The following SH3TC2 variants were observed in gnomAD, a reference collection of about 807,000 sequenced individuals.
The protein encoded by SH3TC2 is SH3 domain and tetratricopeptide repeat-containing protein 2.
Under a neutral mutation model 124.5 loss-of-function variants are expected in SH3TC2, and 87 were observed. That is an observed-to-expected ratio of 0.70 (90% CI 0.59 to 0.84). SH3TC2 has a LOEUF of 0.84. Among genes scored for constraint, SH3TC2 ranks in the 40% least tolerant of loss-of-function variants. The probability of loss-of-function intolerance (pLI) is 0.00; values close to 1 mark genes in which losing one functional copy is unlikely to be tolerated. For synonymous variants in SH3TC2, 634 were observed against 628.5 expected (o/e 1.01, Z -0.13); for missense variants, 1,536 against 1,566.4 (o/e 0.98, Z 0.33).
chr5:149,010,396 G>T lies in SH3TC2; in HGVS notation c.3205-4C>A. 6.2e-7 allele frequency: 1 copy of T among 1,613,810 alleles called. No homozygotes were observed. Among genetic ancestry groups the T allele is most frequent in the Non-Finnish European group, 8.5e-7 (1 of 1,179,998 alleles). On this transcript the variant is annotated splice_region_variant and splice_polypyrimidine_tract_variant and intron_variant, in intron 13 of 16. Coordinates refer to ENST00000515425, the MANE Select transcript of SH3TC2 (RefSeq NM_024577.4). ...TCAGGGCTGTCTGGATGGCTGCCTA[G>T]GTGGGACAGAGACAGCTGTTAAAGG...
Position 148,986,810 on chromosome 5 carries a change from T to C in SH3TC2, c.*17901A>G, listed in dbSNP as rs1753339732. Among the ~76,000 whole-genome samples the C allele has an allele frequency of 6.6e-6, 1 of 152,176 alleles. No individual in the cohort carries two copies. The highest frequency in any genetic ancestry group is 1.5e-5 in the Non-Finnish European group (1 of 68,040). ...GCTGTAATCTCCCAGTCCTGTTCTG[T>C]CTTGCTCCTCCAAGGGACACGTTGT... On this transcript the variant is annotated 3_prime_UTR_variant, in exon 17 of 17. Transcript: ENST00000515425.
rs746915846 is a variant in SH3TC2 at position 149,028,087 on chromosome 5, C to A, written c.1645G>T (p.Val549Leu). 7.4e-6 allele frequency: 12 copies of A among 1,614,106 alleles called. No individual in the cohort carries two copies. The highest frequency in any genetic ancestry group is 9.3e-6 in the Non-Finnish European group (11 of 1,180,036). The change falls in exon 11 of 17, where the codon GTG becomes TTG. Residue 549 changes from valine (V) to leucine (L), a missense_variant. By Grantham distance (32) the Val-to-Leu change is conservative. Around this residue, in one of 3 missense-constraint regions of SH3TC2, gnomAD observed 1,102 missense variants for 1,098.6 expected, o/e 1.00. Coordinates refer to ENST00000515425, the MANE Select transcript of SH3TC2 (RefSeq NM_024577.4). ...IRKVKLSQAR[V>L]YFEEAIHILN... Reference sequence around the variant, plus strand: ...ATGTGGATGGCCTCCTCGAAGTACACCCTGGCCTGAGAGAGTTTGACCTTC... The same window carrying A: ...ATGTGGATGGCCTCCTCGAAGTACAACCTGGCCTGAGAGAGTTTGACCTTC...
chr5:149,031,424 G>T, intron 9 of SH3TC2, 130 bp downstream of exon 9: 1 of 1,227,104 alleles, frequency 8.1e-7, no homozygotes, highest in Non-Finnish European at 1.2e-6. Flanking sequence ...GTCGTCAACA[G>T]AATAGTGGTC....
At chr5:149,035,165 C>A (rs1754261679) in intron 8 of SH3TC2, among the ~76,000 whole-genome samples, 1 of 152,002 alleles carries the variant, frequency 6.6e-6, no homozygotes, top group Admixed American at 6.6e-5. Context: ...ATAGATTCCA[C>A]AAGAAATTGA....
At chr5:149,053,718 A>G (rs1432429833) in intron 1 of SH3TC2, among the ~76,000 whole-genome samples, 1 of 152,202 alleles carries the variant, frequency 6.6e-6, no homozygotes, top group Non-Finnish European at 1.5e-5. Context: ...GTGAGTTTTC[A>G]CTTTCCCCAC....
In SH3TC2 at chr5:148,987,214, G is replaced by A. The variant is rs1331036083; in HGVS notation, c.*17497C>T. On this transcript the variant is annotated 3_prime_UTR_variant, in exon 17 of 17. Transcript: ENST00000515425. ...CCCCTCTGTGGGGAGAGGAGAAAAA[G>A]CACATTTTTGCCAATGGTCTTTGTT... Among the ~76,000 whole-genome samples, 1 of 152,166 alleles carries A rather than the reference G, an allele frequency of 6.6e-6. No individual in the cohort carries two copies. The highest frequency in any genetic ancestry group is 1.9e-4 in the East Asian group (1 of 5,196).
In SH3TC2 at chr5:148,999,896, C is replaced by G. The variant is rs1039669068; in HGVS notation, c.*4815G>C. Among the ~76,000 whole-genome samples, 7 of 152,202 alleles carry G rather than the reference C, an allele frequency of 4.6e-5. No homozygotes were observed. The highest frequency in any genetic ancestry group is 1.7e-4 in the African/African-American group (7 of 41,454). ...TGCTTCCCTGAATCTGCTCCAGCCT[C>G]ACTGCACTCAGAGTGACCTGTTCTC... On this transcript the variant is annotated 3_prime_UTR_variant, in exon 17 of 17. Coordinates refer to ENST00000515425, the MANE Select transcript of SH3TC2 (RefSeq NM_024577.4).
intron 12 of SH3TC2, among the ~76,000 whole-genome samples, chr5:149,017,832 T>C (rs1435697239): frequency 6.6e-6 from 1 of 152,230 alleles, no homozygotes; most frequent in Admixed American, 6.5e-5. Context: ...CTTAAGACTA[T>C]GCATTTTAGA....
intron 13 of SH3TC2, among the ~76,000 whole-genome samples, chr5:149,012,375 C>T (rs1184830299): frequency 6.6e-6 from 1 of 152,138 alleles, no homozygotes; most frequent in Non-Finnish European, 1.5e-5. Context: ...TGGGTCTCAG[C>T]GACTGGCCCT....
rs1021243292 is a variant in SH3TC2 at position 149,003,920 on chromosome 5, G to A, written c.*791C>T. 1.3e-5 allele frequency: 4 copies of A among 308,714 alleles called. No individual in the cohort carries two copies. Among genetic ancestry groups the A allele is most frequent in the Non-Finnish European group, 2.6e-5 (4 of 152,354 alleles). The allele number at this position is 308,714 out of a possible 1,614,324, so 19.1% of individuals were successfully genotyped here. Reference sequence around the variant, plus strand: ...ATCCATCAAGTCCTCCATCTCATCTGCCCCCATTGTGGATGAGACAAAATG... The same window carrying A: ...ATCCATCAAGTCCTCCATCTCATCTACCCCCATTGTGGATGAGACAAAATG... On this transcript the variant is annotated 3_prime_UTR_variant, in exon 17 of 17. Coordinates refer to ENST00000515425, the MANE Select transcript of SH3TC2 (RefSeq NM_024577.4).
chr5:149,055,109 G>A lies in SH3TC2; in HGVS notation c.53-2869C>T, dbSNP rs1580918939. Among the ~76,000 whole-genome samples the A allele has an allele frequency of 2.0e-5, 3 of 152,274 alleles. No homozygotes were observed. In the East Asian group the frequency reaches 5.8e-4, roughly 29 times the overall value. On this transcript the variant is annotated intron_variant, in intron 1 of 16. Coordinates refer to ENST00000515425, the MANE Select transcript of SH3TC2 (RefSeq NM_024577.4). ...TAGAAGAATATCTGCATGACTTGATGTTGACAGTGATTTCCTAAACAGGAT... is the reference window on the plus strand; with the variant it reads ...TAGAAGAATATCTGCATGACTTGATATTGACAGTGATTTCCTAAACAGGAT...
intron 9 of SH3TC2, among the ~76,000 whole-genome samples, chr5:149,030,976 C>T (rs1033673019): frequency 6.6e-6 from 1 of 152,216 alleles, no homozygotes; most frequent in Non-Finnish European, 1.5e-5. Context: ...AGGAATCTTT[C>T]ACAATTGTTG....
chr5:148,990,190 G>T lies in SH3TC2; in HGVS notation c.*14521C>A, dbSNP rs1448072534. 2.6e-5 allele frequency among the ~76,000 whole-genome samples: 4 copies of T among 151,880 alleles called. No homozygotes were observed. In the South Asian group the frequency reaches 6.2e-4, roughly 24 times the overall value. On this transcript the variant is annotated 3_prime_UTR_variant, in exon 17 of 17. Transcript: ENST00000515425. ...TTTGTTCTTTCTCTGATTTATTCCTGTCTCTGCTTGCACTTGCAGTTCCTT... is the reference window on the plus strand; with the variant it reads ...TTTGTTCTTTCTCTGATTTATTCCTTTCTCTGCTTGCACTTGCAGTTCCTT...
At position 148,993,523 on chromosome 5, in the gene SH3TC2, A is replaced by T. The variant is rs1209786044; in HGVS notation, c.*11188T>A. Among the ~76,000 whole-genome samples, 1 of 152,224 alleles carries T rather than the reference A, an allele frequency of 6.6e-6. No homozygotes were observed. Among genetic ancestry groups the T allele is most frequent in the East Asian group, 1.9e-4 (1 of 5,200 alleles). On this transcript the variant is annotated 3_prime_UTR_variant, in exon 17 of 17. Coordinates refer to ENST00000515425, the MANE Select transcript of SH3TC2 (RefSeq NM_024577.4). ...GAAAATACTTTCTTGATAAAAATTC[A>T]GCCATTATTGGTGTTTTTAATGTTG...
At chr5:149,007,249 T>C (rs781090731) in intron 15 of SH3TC2, 172 bp from the exon 16 acceptor site, 10 of 686,762 alleles carry the variant, frequency 1.5e-5, no homozygotes, top group Non-Finnish European at 2.6e-5. Flanking sequence ...TTGTCTCACA[T>C]GACAGACATT....
Position 149,003,716 on chromosome 5 carries a change from T to G in SH3TC2, c.*995A>C, listed in dbSNP as rs1365049150. On this transcript the variant is annotated 3_prime_UTR_variant, in exon 17 of 17. Transcript: ENST00000515425. ...CAATAAGATGCCTTGTAGTTGGGTA[T>G]GGCACATGCCTGTAGTTCCAGCTAC... 2.4e-6 allele frequency: 1 copy of G among 411,876 alleles called. No homozygotes were observed. 25.5% of individuals were successfully genotyped at this position (411,876 alleles called of 1,614,324 possible).
In SH3TC2 at chr5:148,990,249, T is replaced by C. The variant is rs1413828469; in HGVS notation, c.*14462A>G. Among the ~76,000 whole-genome samples the C allele has an allele frequency of 6.6e-6, 1 of 151,418 alleles. No individual in the cohort carries two copies. The highest frequency in any genetic ancestry group is 2.1e-4 in the South Asian group (1 of 4,824). ...TAGGACATTGGTCATTTAAAATATA[T>C]TCATAGTAAGATGACAAACTGTTCC... On this transcript the variant is annotated 3_prime_UTR_variant, in exon 17 of 17. Transcript: ENST00000515425.
chr5:149,016,991 T>C (rs981874211), intron 12 of SH3TC2, among the ~76,000 whole-genome samples: 6 of 151,750 alleles, frequency 4.0e-5, no homozygotes, highest in Non-Finnish European at 5.9e-5. Flanking sequence ...TGTATTCACA[T>C]GCAAAGAATT....
intron 8 of SH3TC2, among the ~76,000 whole-genome samples, chr5:149,037,196 C>T (rs960574847): frequency 2.6e-5 from 4 of 152,168 alleles, no homozygotes; most frequent in Admixed American, 6.5e-5. Flanking sequence ...ACTCACTTTC[C>T]TACCTATGAC....
Sources: gnomAD v4.1 joint callset for allele counts (sites outside exome capture counted in the v4.1 genomes callset) on GRCh38, gnomAD v4.1.1 for gene constraint, gnomAD v4.1.1 regional missense constraint, MANE v1.5 for transcripts, NCBI Gene and HGNC (gene_info 2026-07-23, HGNC 2026-07-21) for gene names.